AFF2: variants seen among roughly 807,000 people sequenced by gnomAD.
AFF2 encodes AF4/FMR2 family member 2.
In AFF2, 14 loss-of-function variants were observed where a neutral mutation model predicts 76.9. That is an observed-to-expected ratio of 0.18 (90% CI 0.12 to 0.28). The LOEUF (loss-of-function observed/expected upper bound fraction) is 0.28. AFF2 is among the 10% of genes least tolerant of loss of function. The pLI is 1.00. For missense variants in AFF2, 868 were observed against 1,001.1 expected, an observed-to-expected ratio of 0.87 and a Z score of 1.79; for synonymous variants, 398 against 366.7, an observed-to-expected ratio of 1.09 and a Z score of -0.98.
chrX:148,680,118 A>G (rs1432783523), intron 3 of AFF2, among the ~76,000 whole-genome samples: 1 of 112,070 alleles, frequency 8.9e-6, no homozygotes, highest in African/African-American at 3.2e-5. Flanking sequence ...TTCATTTATT[A>G]TGTATTGAGC....
chrX:148,648,334 G>T (rs782426627), intron 1 of AFF2, among the ~76,000 whole-genome samples: 3 of 110,371 alleles, frequency 2.7e-5, no homozygotes, highest in South Asian at 3.9e-4. Context: ...GCCGAGACGG[G>T]TGGATCACCT....
chrX:148,749,730 C>T (rs1345074380), intron 3 of AFF2, among the ~76,000 whole-genome samples: 4 of 110,794 alleles, frequency 3.6e-5, no homozygotes, highest in South Asian at 7.7e-4. Context: ...TGCTTCTCTC[C>T]GTCAAATCTT....
intron 9 of AFF2, among the ~76,000 whole-genome samples, chrX:148,932,188 A>C (rs1166287750): frequency 3.6e-5 from 4 of 112,193 alleles, no homozygotes; most frequent in Non-Finnish European, 7.5e-5. Context: ...GTGAGGATGA[A>C]TCATGGAACT....
intron 20 of AFF2, among the ~76,000 whole-genome samples, chrX:148,989,131 CCT>C (rs1449874970): frequency 8.9e-6 from 1 of 112,188 alleles, no homozygotes; most frequent in Non-Finnish European, 1.9e-5. Context: ...AGACAACTGG[CCT>C]ATACAACCAG....
intron 5 of AFF2, among the ~76,000 whole-genome samples, chrX:148,838,313 T>C (rs782535638): frequency 8.9e-6 from 1 of 112,541 alleles, no homozygotes; most frequent in East Asian, 2.8e-4. Flanking sequence ...ATATATAATG[T>C]CTTCCTTTCT....
At chrX:148,719,217 T>G in intron 3 of AFF2, 1 of 1,148,729 alleles carries the variant, frequency 8.7e-7, no homozygotes, top group Non-Finnish European at 1.2e-6. Context: ...ATTTCCGTCC[T>G]TCTTCAAGAT....
chrX:148,987,674 A>G, intron 20 of AFF2, 117 bp downstream of exon 20: 1 of 660,030 alleles, frequency 1.5e-6, no homozygotes, highest in Non-Finnish European at 2.3e-6. Context: ...GATTTCCAGA[A>G]CTTAGATAAG....
chrX:148,783,850 G>A (rs1603300144), intron 3 of AFF2, among the ~76,000 whole-genome samples: 1 of 111,623 alleles, frequency 9.0e-6, no homozygotes, highest in East Asian at 2.8e-4. Flanking sequence ...CTTCTCTTAA[G>A]GGGACCTGTG....
chrX:148,762,740 C>T (rs1721947961), intron 3 of AFF2, among the ~76,000 whole-genome samples: 2 of 110,898 alleles, frequency 1.8e-5, no homozygotes, highest in South Asian at 7.6e-4. Context: ...GCTCTGGCTG[C>T]TAGGGAACTG....
intron 3 of AFF2, among the ~76,000 whole-genome samples, chrX:148,714,224 G>A (rs1349452837): frequency 6.2e-5 from 7 of 112,048 alleles, no homozygotes; most frequent in African/African-American, 1.9e-4. Context: ...TATCTTAATT[G>A]AAGAAATATG....
chrX:148,726,529 C>G (rs1164556345), intron 3 of AFF2, among the ~76,000 whole-genome samples: 2 of 112,146 alleles, frequency 1.8e-5, no homozygotes, highest in African/African-American at 6.5e-5. Context: ...CTGTTCTGCA[C>G]ATACCATCCT....
rs1167508007 is a variant in AFF2 at position 148,994,419 on chromosome X, C to G, written c.*3087C>G. ...AATTTAGCTGTAAGCATGTTGTTAGCCAGCCTGTAGACTGTTAATTACTTA... is the reference window on the plus strand; with the variant it reads ...AATTTAGCTGTAAGCATGTTGTTAGGCAGCCTGTAGACTGTTAATTACTTA... On this transcript the variant is annotated 3_prime_UTR_variant, in exon 21 of 21. Coordinates refer to ENST00000370460, the MANE Select transcript of AFF2 (RefSeq NM_002025.4). 8.9e-6 allele frequency: 1 copy of G among 112,218 alleles called. No homozygotes were observed. Among genetic ancestry groups the G allele is most frequent in the Non-Finnish European group, 1.9e-5 (1 of 53,205 alleles). The allele number at this position is 112,218 out of a possible 1,213,427, so 9.2% of individuals were successfully genotyped here.
At chrX:148,958,206 A>C in intron 11 of AFF2, 131 bp from the exon 12 acceptor site, 1 of 916,476 alleles carries the variant, frequency 1.1e-6, no homozygotes, top group Non-Finnish European at 1.5e-6. Flanking sequence ...GTGCACATTT[A>C]ACTCACCTAC....
chrX:148,880,722 C>G (rs782732306), intron 7 of AFF2, among the ~76,000 whole-genome samples: 1 of 111,635 alleles, frequency 9.0e-6, no homozygotes, highest in Non-Finnish European at 1.9e-5. Context: ...GAGCTTAAAA[C>G]CTGAGTGTAA....
intron 3 of AFF2, among the ~76,000 whole-genome samples, chrX:148,806,254 C>T (rs1397275866): frequency 8.9e-6 from 1 of 112,271 alleles, no homozygotes; most frequent in Non-Finnish European, 1.9e-5. Flanking sequence ...GGGGCCGAGC[C>T]CCAGCCTTAG....
At chrX:148,739,166 C>A (rs190893766) in intron 3 of AFF2, among the ~76,000 whole-genome samples, 17 of 111,540 alleles carry the variant, frequency 1.5e-4, no homozygotes, top group Admixed American at 1.3e-3. Context: ...TCCATTGTTT[C>A]TTTGTTGACT....
Position 148,783,117 on chromosome X carries a change from T to A in AFF2, c.1042-26759T>A, listed in dbSNP as rs186027529. ...TTTTCTATCCTCAATCTTTATGTCTTCCTTTTTGGATTTTGTTGGTTAGGT... is the reference window on the plus strand; with the variant it reads ...TTTTCTATCCTCAATCTTTATGTCTACCTTTTTGGATTTTGTTGGTTAGGT... On this transcript the variant is annotated intron_variant, in intron 3 of 20. Coordinates refer to ENST00000370460, the MANE Select transcript of AFF2 (RefSeq NM_002025.4). Among the ~76,000 whole-genome samples the A allele has an allele frequency of 7.9e-3, 881 of 112,081 alleles. 21 individuals are homozygous for A. The highest frequency in any genetic ancestry group is 0.076 in the Admixed American group (796 of 10,535).
chrX:148,611,595 A>G (rs181962222), intron 1 of AFF2, among the ~76,000 whole-genome samples: 1 of 111,118 alleles, frequency 9.0e-6, no homozygotes, highest in African/African-American at 3.3e-5. Flanking sequence ...TGCTTCCTTA[A>G]AATTGCTCTT....
chrX:148,798,616 G>C (rs781875364), intron 3 of AFF2, among the ~76,000 whole-genome samples: 15 of 112,275 alleles, frequency 1.3e-4, no homozygotes, highest in Non-Finnish European at 1.9e-4. Context: ...TGTTGTGCTT[G>C]TACCTGAAAT....
Sources: gnomAD v4.1 joint callset for allele counts (sites outside exome capture counted in the v4.1 genomes callset) on GRCh38, gnomAD v4.1.1 for gene constraint, MANE v1.5 for transcripts, NCBI Gene and HGNC (gene_info 2026-07-23, HGNC 2026-07-21) for gene names.